The following NHLRC3 variants were observed in gnomAD, a reference collection of about 807,000 sequenced individuals.
NHLRC3 encodes NHL repeat-containing protein 3.
NHLRC3 carries 23 observed loss-of-function variants against 32.0 expected under a neutral mutation model. The observed-to-expected ratio is 0.72, with a 90% CI of 0.52 to 1.02. The LOEUF (loss-of-function observed/expected upper bound fraction) is 1.02. Among genes scored for constraint, NHLRC3 ranks in the 50% least tolerant of loss-of-function variants. The pLI is 0.00. For synonymous variants in NHLRC3, 159 were observed against 147.9 expected, an observed-to-expected ratio of 1.08 and a Z score of -0.55; for missense variants, 407 against 406.8, an observed-to-expected ratio of 1.00 and a Z score of -0.01.
chr13:39,038,320 T>G, upstream of NHLRC3: 2 of 394,868 alleles, frequency 5.1e-6, no homozygotes, highest in Non-Finnish European at 9.3e-6. Context: ...CATACTTTGG[T>G]GGCCACTGAA....
intron 1 of NHLRC3, 58 bp from the exon 2 acceptor site, chr13:39,039,078 C>CAGTT: frequency 9.6e-6 from 10 of 1,038,036 alleles, no homozygotes; most frequent in East Asian, 2.6e-5. Context: ...CCCCCCCGCC[C>CAGTT]TTTTTTTGTT....
At chr13:39,046,978 ATTCT>A (rs2138157591) in intron 5 of NHLRC3, 58 bp from the exon 6 acceptor site, 3 of 1,050,496 alleles carry the variant, frequency 2.9e-6, no homozygotes. Context: ...GAAAATAAAC[ATTCT>A]TTTCCCTTTT....
intron 2 of NHLRC3, 120 bp from the exon 3 acceptor site, chr13:39,039,444 A>T (rs139096716): frequency 1.3e-5 from 14 of 1,116,958 alleles, no homozygotes; most frequent in Middle Eastern, 2.2e-4. Flanking sequence ...TGTGAAAGAT[A>T]TGTTAGATTT....
intron 5 of NHLRC3, among the ~76,000 whole-genome samples, chr13:39,046,020 T>C (rs1314611990): frequency 6.6e-6 from 1 of 152,168 alleles, no homozygotes; most frequent in African/African-American, 2.4e-5. Context: ...TCTACAACCC[T>C]GGCCACAAGT....
intron 4 of NHLRC3, 44 bp from the exon 5 acceptor site, chr13:39,044,046 A>G (rs1871563890): frequency 7.7e-7 from 1 of 1,299,338 alleles, no homozygotes; most frequent in South Asian, 1.2e-5. Flanking sequence ...AATGCATGAG[A>G]CATTCTATAT....
At chr13:39,042,006 T>A (rs1225814212) in intron 3 of NHLRC3, 99 bp from the exon 4 acceptor site, 1 of 661,442 alleles carries the variant, frequency 1.5e-6, no homozygotes, top group Non-Finnish European at 2.7e-6. Context: ...CTATTTGTTA[T>A]TATTTACTTC....
In NHLRC3 at chr13:39,039,268, G is replaced by A; in HGVS notation, c.217G>A (p.Gly73Arg). The change falls in exon 2 of 7, where the codon GGA becomes AGA. Residue 73 changes from glycine to arginine, a missense_variant. Gly to Arg is a moderately radical substitution (Grantham distance 125). Transcript: ENST00000379600. ...TTGTGTTGCAGTTGACTCCCTCAAT[G>A]GATTGGTTTACATAGGTCAAGTAAG... ...TFCVAVDSLN[G>R]LVYIGQRGDN... 1 of 1,613,932 alleles carries A rather than the reference G, an allele frequency of 6.2e-7. No individual in the cohort carries two copies. Among genetic ancestry groups the A allele is most frequent in the Non-Finnish European group, 8.5e-7 (1 of 1,179,864 alleles).
chr13:39,038,480 T>C lies in NHLRC3; in HGVS notation c.-160T>C, dbSNP rs1871289638. On this transcript the variant is annotated 5_prime_UTR_variant, in exon 1 of 7. Coordinates refer to ENST00000379600, the MANE Select transcript of NHLRC3 (RefSeq NM_001012754.4). ...CATTCGCCCTGGTCTCTGTTCCCTT[T>C]CGTACTCAAAGCTCGTGCATCCAGG... The C allele has an allele frequency of 1.5e-6, 1 of 662,340 alleles. No individual in the cohort carries two copies. Among genetic ancestry groups the C allele is most frequent in the African/African-American group, 1.8e-5 (1 of 55,658 alleles). The allele number at this position is 662,340 out of a possible 1,614,324, so 41.0% of individuals were successfully genotyped here.
chr13:39,043,359 A>G (rs978193703), intron 4 of NHLRC3, among the ~76,000 whole-genome samples: 1 of 152,188 alleles, frequency 6.6e-6, no homozygotes, highest in African/African-American at 2.4e-5. Context: ...GGAATCCAGA[A>G]GTTAGAAATC....
chr13:39,045,607 T>C (rs1871641154), intron 5 of NHLRC3, among the ~76,000 whole-genome samples: 1 of 152,212 alleles, frequency 6.6e-6, no homozygotes, highest in African/African-American at 2.4e-5. Context: ...CAAAATTCAT[T>C]GAGTGTTGAG....
At chr13:39,038,317 T>C, upstream of NHLRC3, 1 of 389,548 alleles carries the variant, frequency 2.6e-6, no homozygotes, top group South Asian at 3.3e-5. Flanking sequence ...GCCCATACTT[T>C]GGTGGCCACT....
chr13:39,044,150 C>G lies in NHLRC3; in HGVS notation c.647C>G (p.Pro216Arg). The G allele has an allele frequency of 6.2e-7, 1 of 1,613,280 alleles. No homozygotes were observed. The highest frequency in any genetic ancestry group is 8.5e-7 in the Non-Finnish European group (1 of 1,179,316). The change falls in exon 5 of 7, where the codon CCT becomes CGT. Residue 216 changes from proline to arginine, a missense_variant. Transcript: ENST00000379600. ...NGTGPAKFNIPHSVTLDSAGR... is the reference protein window; with the variant it reads ...NGTGPAKFNIRHSVTLDSAGR... ...ACAGGGCCTGCTAAGTTCAACATAC[C>G]TCACAGTGTTACACTTGATTCAGCT...
intron 2 of NHLRC3, 111 bp from the exon 3 acceptor site, chr13:39,039,453 T>C (rs376310731): frequency 1.2e-5 from 14 of 1,157,890 alleles, no homozygotes; most frequent in South Asian, 1.1e-4. Flanking sequence ...TATGTTAGAT[T>C]TTGAAAGTGG....
intron 3 of NHLRC3, 111 bp from the exon 4 acceptor site, chr13:39,041,994 A>G: frequency 1.6e-6 from 1 of 633,262 alleles, no homozygotes; most frequent in East Asian, 2.7e-5. Flanking sequence ...TAAGCCTATC[A>G]CCTATTTGTT....
intron 3 of NHLRC3, chr13:39,040,190 A>G (rs190598966): frequency 0.074 from 11,060 of 148,800 alleles, 423 homozygotes; most frequent in South Asian, 0.13. Context: ...TCTGTCTCAA[A>G]AAAAAAAAAA....
Position 39,042,291 on chromosome 13 carries a change from T to C in NHLRC3, c.572T>C (p.Ile191Thr). The C allele has an allele frequency of 6.3e-7, 1 of 1,588,474 alleles. No homozygotes were observed. The highest frequency in any genetic ancestry group is 8.6e-7 in the Non-Finnish European group (1 of 1,156,808). The change falls in exon 4 of 7, where the codon ATC becomes ACC. Residue 191 changes from isoleucine to threonine, a missense_variant. By Grantham distance (89) the Ile-to-Thr change is moderately conservative. Transcript: ENST00000379600. ...GATGGAGGATTGAATAACAGATTGATCAAACTGTCCCAAGGTACATTACTT... is the reference window on the plus strand; with the variant it reads ...GATGGAGGATTGAATAACAGATTGACCAAACTGTCCCAAGGTACATTACTT... ...DGDGGLNNRLIKLSQDFMILW... is the reference protein window; with the variant it reads ...DGDGGLNNRLTKLSQDFMILW...
intron 5 of NHLRC3, among the ~76,000 whole-genome samples, chr13:39,045,125 TC>T (rs1326127530): frequency 6.6e-6 from 1 of 152,212 alleles, no homozygotes; most frequent in African/African-American, 2.4e-5. Context: ...CAAACAAACT[TC>T]TAATTATGAC....
chr13:39,045,185 A>G (rs923264715), intron 5 of NHLRC3, among the ~76,000 whole-genome samples: 8 of 152,226 alleles, frequency 5.3e-5, no homozygotes, highest in Non-Finnish European at 1.0e-4. Context: ...TGTTTTGATC[A>G]TTAAATCTTC....
chr13:39,047,692 G>A lies in NHLRC3; in HGVS notation c.810G>A (p.Lys270=), dbSNP rs1043218632. The A allele has an allele frequency of 6.2e-7, 1 of 1,613,460 alleles. No homozygotes were observed. The highest frequency in any genetic ancestry group is 8.5e-7 in the Non-Finnish European group (1 of 1,179,584). The change falls in exon 7 of 7, where the codon AAG becomes AAA. Residue 270 remains lysine (K), a synonymous_variant. Transcript: ENST00000379600. ...TCCTTAGGTTTACTCCTGATGGGAA[G>A]TACTTGATTGTGGCCCAGCTGAATC... is the stretch of plus-strand genomic sequence containing the variant. The part of the protein sequence containing the change: ...PSSVRFTPDG[K]YLIVAQLNLS...
Sources: allele counts gnomAD v4.1 joint callset (sites outside exome capture counted in the v4.1 genomes callset), GRCh38; gene constraint gnomAD v4.1.1; transcripts MANE v1.5; gene names NCBI Gene and HGNC (gene_info 2026-07-23, HGNC 2026-07-21).